Variants in TMCC1 observed in about 807,000 individuals in gnomAD.
TMCC1 encodes the protein transmembrane and coiled-coil domains protein 1.
In TMCC1, 15 loss-of-function variants were observed where a neutral mutation model predicts 52.4. The observed-to-expected ratio is 0.29, with a 90% CI of 0.19 to 0.44. The LOEUF is 0.44. TMCC1 is among the 20% of genes least tolerant of loss of function. The probability of loss-of-function intolerance (pLI) is 1.00; values close to 1 mark genes in which losing one functional copy is unlikely to be tolerated. For missense variants in TMCC1, 503 were observed against 806.0 expected, an observed-to-expected ratio of 0.62 and a Z score of 4.55; for synonymous variants, 279 against 301.9, an observed-to-expected ratio of 0.92 and a Z score of 0.79.
At chr3:129,887,378 T>C (rs1560625055) in intron 1 of TMCC1, among the ~76,000 whole-genome samples, 1 of 151,394 alleles carries the variant, frequency 6.6e-6, no homozygotes. Flanking sequence ...CCCGTCTCTA[T>C]TAAAAATACA....
chr3:129,889,274 A>AAAAACAAACAAAC (rs1339073241), intron 1 of TMCC1, among the ~76,000 whole-genome samples: 3 of 152,182 alleles, frequency 2.0e-5, no homozygotes, highest in Admixed American at 6.5e-5. Flanking sequence ...CCTGTCTCAA[A>AAAAACAAACAAAC]AAAACAAACA....
chr3:129,810,406 C>A (rs879440618), intron 4 of TMCC1, among the ~76,000 whole-genome samples: 1 of 152,006 alleles, frequency 6.6e-6, no homozygotes, highest in Non-Finnish European at 1.5e-5. Flanking sequence ...CATACTAGTA[C>A]GCAGAACCAA....
At chr3:129,840,797 G>C (rs997364184) in intron 2 of TMCC1, among the ~76,000 whole-genome samples, 2 of 152,116 alleles carry the variant, frequency 1.3e-5, no homozygotes. Context: ...AGCCATGTGG[G>C]GCTGAGAGTC....
intron 6 of TMCC1, among the ~76,000 whole-genome samples, chr3:129,653,454 A>AT (rs748382476): frequency 2.6e-4 from 39 of 152,102 alleles, no homozygotes; most frequent in Non-Finnish European, 1.3e-4. Context: ...TATTCTTGCT[A>AT]TTTTTTTGAG....
intron 4 of TMCC1, among the ~76,000 whole-genome samples, chr3:129,784,489 C>T (rs891098159): frequency 6.6e-6 from 1 of 151,716 alleles, no homozygotes; most frequent in African/African-American, 2.4e-5. Context: ...TGGCTTGAAC[C>T]TGGGAGACGG....
At chr3:129,860,031 T>C (rs187361386) in intron 2 of TMCC1, among the ~76,000 whole-genome samples, 151 of 152,252 alleles carry the variant, frequency 9.9e-4, no homozygotes, top group African/African-American at 3.4e-3. Flanking sequence ...TTTCAGGACA[T>C]AAAGCAAAGA....
intron 2 of TMCC1, among the ~76,000 whole-genome samples, chr3:129,844,015 A>G (rs2059547922): frequency 1.3e-5 from 2 of 152,170 alleles, no homozygotes; most frequent in Admixed American, 1.3e-4. Flanking sequence ...GCATTATATA[A>G]AAAGACAATG....
At position 129,671,144 on chromosome 3, in the gene TMCC1, C is replaced by T. The variant is rs149651187; in HGVS notation, c.697G>A (p.Ala233Thr). The T allele has an allele frequency of 6.2e-7, 1 of 1,614,164 alleles. No homozygotes were observed. Among genetic ancestry groups the T allele is most frequent in the Non-Finnish European group, 8.5e-7 (1 of 1,180,020 alleles). ...ATCTTCTGCTGCAGGTGAGCAATGG[C>T]AGCCTTTGTGCGCTGAGGGTCTGGT... ...GTPDPQRTKAAIAHLQQKILK... is the reference protein window; with the variant it reads ...GTPDPQRTKATIAHLQQKILK... Residue 233 changes from alanine to threonine, a missense_variant, in exon 5 of 7, where the codon GCC (alanine) becomes ACC (threonine). Around this residue, in one of 7 missense-constraint regions of TMCC1, gnomAD observed 217 missense variants for 297.9 expected, o/e 0.73. Transcript: ENST00000393238.
chr3:129,658,630 G>A (rs1451715900), intron 5 of TMCC1, among the ~76,000 whole-genome samples: 1 of 152,186 alleles, frequency 6.6e-6, no homozygotes, highest in African/African-American at 2.4e-5. Context: ...TACAAGGCAT[G>A]CTTATCTTTA....
At chr3:129,666,189 G>A (rs977264727) in intron 5 of TMCC1, among the ~76,000 whole-genome samples, 2 of 152,066 alleles carry the variant, frequency 1.3e-5, no homozygotes, top group African/African-American at 2.4e-5. Flanking sequence ...AGGCTGCTGC[G>A]GGTAGCTCAC....
At chr3:129,870,718 CGGGGGGGGGGGGGGG>C (rs56383150) in intron 2 of TMCC1, among the ~76,000 whole-genome samples, 1 of 13,894 alleles carries the variant, frequency 7.2e-5, no homozygotes, top group Admixed American at 1.6e-3. Flanking sequence ...CGCGGGTTGG[CGGGGGGGGGGGGGGG>C]GGGGCGACAG....
intron 4 of TMCC1, among the ~76,000 whole-genome samples, chr3:129,774,833 T>C (rs530534142): frequency 7.2e-5 from 11 of 152,122 alleles, no homozygotes; most frequent in African/African-American, 2.4e-4. Context: ...AATGGTAAAA[T>C]GTGAGGCTGA....
intron 1 of TMCC1, among the ~76,000 whole-genome samples, 169 bp from the exon 2 acceptor site, chr3:129,880,728 G>A (rs1479219548): frequency 6.6e-6 from 1 of 152,062 alleles, no homozygotes; most frequent in Non-Finnish European, 1.5e-5. Context: ...CACACTCATT[G>A]GAGCATTTCA....
chr3:129,871,529 T>C (rs752900773), intron 2 of TMCC1, among the ~76,000 whole-genome samples: 1 of 152,182 alleles, frequency 6.6e-6, no homozygotes, highest in Non-Finnish European at 1.5e-5. Context: ...TTGGTAAGCA[T>C]ACTTATACCA....
intron 3 of TMCC1, among the ~76,000 whole-genome samples, chr3:129,832,550 G>T (rs1471005840): frequency 6.6e-6 from 1 of 152,182 alleles, no homozygotes; most frequent in East Asian, 1.9e-4. Flanking sequence ...TTCTAAATTA[G>T]TATCAGAAAT....
chr3:129,832,134 G>A (rs2058948359), intron 3 of TMCC1, among the ~76,000 whole-genome samples: 1 of 152,138 alleles, frequency 6.6e-6, no homozygotes, highest in Non-Finnish European at 1.5e-5. Flanking sequence ...TAGGATTATA[G>A]GCATGAGTCA....
intron 4 of TMCC1, among the ~76,000 whole-genome samples, chr3:129,786,812 A>T (rs1356878721): frequency 2.0e-5 from 3 of 152,214 alleles, no homozygotes; most frequent in Non-Finnish European, 4.4e-5. Context: ...ATTTCAAGGA[A>T]TGTCTGTTTT....
At chr3:129,688,687 C>CGT (rs1274443732) in intron 4 of TMCC1, 7 of 985,322 alleles carry the variant, frequency 7.1e-6, no homozygotes, top group Non-Finnish European at 8.4e-6. Flanking sequence ...AACAAGCATC[C>CGT]GTGTGTGTGC....
At chr3:129,782,019 T>C (rs1484252880) in intron 4 of TMCC1, among the ~76,000 whole-genome samples, 1 of 152,002 alleles carries the variant, frequency 6.6e-6, no homozygotes, top group Non-Finnish European at 1.5e-5. Context: ...TGCCATTAAC[T>C]GAGATGGGGA....
Sources: gnomAD v4.1 joint callset for allele counts (sites outside exome capture counted in the v4.1 genomes callset) on GRCh38, gnomAD v4.1.1 for gene constraint, gnomAD v4.1.1 regional missense constraint, MANE v1.5 for transcripts, NCBI Gene and HGNC (gene_info 2026-07-23, HGNC 2026-07-21) for gene names.